DSCAML1: variants seen among roughly 807,000 people sequenced by gnomAD.
The protein encoded by DSCAML1 is DS cell adhesion molecule like 1.
Under a neutral mutation model 200.5 loss-of-function variants are expected in DSCAML1, and 38 were observed. That is an observed-to-expected ratio of 0.19 (90% CI 0.15 to 0.25). The LOEUF is 0.25. Ranked by LOEUF, DSCAML1 falls within the 10% of genes least tolerant of loss-of-function variation. DSCAML1 has a pLI of 1.00. For synonymous variants in DSCAML1, 1,215 were observed against 1,165.0 expected (o/e 1.04, Z -0.87); for missense variants, 2,223 against 2,858.8 (o/e 0.78, Z 5.07).
At chr11:117,433,102 C>G in intron 29 of DSCAML1, 36 bp downstream of exon 29, 1 of 1,582,972 alleles carries the variant, frequency 6.3e-7, no homozygotes, top group East Asian at 2.2e-5. Flanking sequence ...GAAGCACACC[C>G]AGCAGGACAG....
chr11:117,471,811 C>G, intron 15 of DSCAML1, 58 bp downstream of exon 15: 2 of 1,276,512 alleles, frequency 1.6e-6, no homozygotes, highest in Admixed American at 1.9e-5. Context: ...TCGCTGTAGG[C>G]CCCTGGTGGT....
At chr11:117,571,663 G>T (rs561629403) in intron 3 of DSCAML1, among the ~76,000 whole-genome samples, 1 of 151,968 alleles carries the variant, frequency 6.6e-6, no homozygotes, top group African/African-American at 2.4e-5. Context: ...TCCTCAGCCC[G>T]TCCTCCCCCC....
intron 12 of DSCAML1, 99 bp downstream of exon 12, chr11:117,481,864 C>T (rs1028839726): frequency 9.1e-6 from 13 of 1,425,676 alleles, no homozygotes; most frequent in South Asian, 6.1e-5. Context: ...GGAGGGGCTC[C>T]CAGGCTCCCC....
rs1317678623 is a variant in DSCAML1, at chr11:117,516,007, C to T, written c.1783+460G>A. ...AAGGGTGTTCCCAGTCCTGTAGAAG[C>T]AGCCTGGGTACTGTGTATCCCACAG... On this transcript the variant is annotated intron_variant, in intron 8 of 32. Coordinates refer to ENST00000651296, the MANE Select transcript of DSCAML1 (RefSeq NM_020693.4). This position sits in a 1 kb window ranked among gnomAD's most constrained non-coding sequence, Gnocchi z 5.7. Among the ~76,000 whole-genome samples, 1 of 152,180 alleles carries T rather than the reference C, an allele frequency of 6.6e-6. No homozygotes were observed. Among genetic ancestry groups the T allele is most frequent in the African/African-American group, 2.4e-5 (1 of 41,446 alleles).
In DSCAML1 at chr11:117,516,593, C is replaced by T. The variant is rs991887129; in HGVS notation, c.1657G>A (p.Val553Met). 2 of 1,614,110 alleles carry T rather than the reference C, an allele frequency of 1.2e-6. No homozygotes were observed. The highest frequency in any genetic ancestry group is 2.2e-5 in the South Asian group (2 of 91,074). ...AGCTTGAGGGTCCCATTCTCAAACA[C>T]CACCTGGCGGTGGTTGTCTGGCAGC... ...LLLPDNHRQVVFENGTLKLTD... is the reference protein window; with the variant it reads ...LLLPDNHRQVMFENGTLKLTD... The change falls in exon 8 of 33, where the codon GTG (valine) becomes ATG (methionine). Residue 553 changes from valine (V) to methionine (M), a missense_variant. Physicochemically the swap from Val to Met is conservative, Grantham distance 21. Coordinates refer to ENST00000651296, the MANE Select transcript of DSCAML1 (RefSeq NM_020693.4). This position sits in a 1 kb window ranked among gnomAD's most constrained non-coding sequence, Gnocchi z 5.7.
chr11:117,752,736 A>G (rs1460101694), intron 3 of DSCAML1, among the ~76,000 whole-genome samples: 1 of 152,172 alleles, frequency 6.6e-6, no homozygotes. Context: ...CCAGTCTGAA[A>G]ATGAGGGAGA....
chr11:117,791,427 G>A (rs1172797096), intron 1 of DSCAML1, among the ~76,000 whole-genome samples: 1 of 152,242 alleles, frequency 6.6e-6, no homozygotes, highest in Non-Finnish European at 1.5e-5. Context: ...TTTATGGCAT[G>A]AACTCCAGAA....
chr11:117,451,572 C>T (rs577463158), intron 19 of DSCAML1, among the ~76,000 whole-genome samples: 2 of 152,202 alleles, frequency 1.3e-5, no homozygotes, highest in South Asian at 4.2e-4. Context: ...GCCTGTAATC[C>T]CAGCACTTTG....
intron 16 of DSCAML1, among the ~76,000 whole-genome samples, chr11:117,466,862 T>C (rs952087012): frequency 3.3e-5 from 5 of 152,222 alleles, no homozygotes; most frequent in African/African-American, 9.7e-5. Context: ...TTAAGTTATA[T>C]GTATTTTGTT....
Position 117,471,960 on chromosome 11 carries a change from C to T in DSCAML1, c.2862G>A (p.Pro954=), listed in dbSNP as rs370175567. The T allele has an allele frequency of 9.9e-5, 159 of 1,613,964 alleles. No homozygotes were observed. Among genetic ancestry groups the T allele is most frequent in the Non-Finnish European group, 1.2e-4 (141 of 1,180,006 alleles). ...ACATGCGGATGCTGTACACAGATGC[C>T]GGGTGCAAGTCCACAATGTTGGCCT... ...INQANIVDLH[P]ASVYSIRMYS... is the part of the protein sequence containing the mutation. The change falls in exon 15 of 33, where the codon CCG becomes CCA. Residue 954 remains proline, a synonymous_variant. Coordinates refer to ENST00000651296, the MANE Select transcript of DSCAML1 (RefSeq NM_020693.4).
rs182744975 is a variant in DSCAML1 at position 117,745,127 on chromosome 11, A to G, written c.511+31664T>C. 1.4e-3 allele frequency among the ~76,000 whole-genome samples: 195 copies of G among 142,788 alleles called. 1 individual carries two copies. Among genetic ancestry groups the G allele is most frequent in the African/African-American group, 4.5e-3 (178 of 39,594 alleles). 93.7% of individuals were successfully genotyped at this position (142,788 alleles called of 152,430 possible). A position where few individuals can be genotyped will look rare whatever the true frequency, so the allele number is the denominator to read the frequency against. On this transcript the variant is annotated intron_variant, in intron 3 of 32. Coordinates refer to ENST00000651296, the MANE Select transcript of DSCAML1 (RefSeq NM_020693.4). ...GTTCAAAGCCAGGCAACACTAATCC[A>G]TGGTGACAGGCCTCAGGAGGGTGGT...
At chr11:117,681,626 C>T (rs1349169397) in intron 3 of DSCAML1, among the ~76,000 whole-genome samples, 3 of 152,168 alleles carry the variant, frequency 2.0e-5, no homozygotes, top group Admixed American at 6.5e-5. Context: ...TTGGAGACTG[C>T]GTTCTCCTCC....
intron 3 of DSCAML1, among the ~76,000 whole-genome samples, chr11:117,743,337 G>C (rs2054456484): frequency 1.3e-5 from 2 of 152,154 alleles, no homozygotes; most frequent in Admixed American, 6.5e-5. Context: ...GAGGGTTACA[G>C]TATCCACATG....
At chr11:117,603,183 C>T (rs528632315) in intron 3 of DSCAML1, among the ~76,000 whole-genome samples, 3 of 152,184 alleles carry the variant, frequency 2.0e-5, no homozygotes, top group Non-Finnish European at 4.4e-5. Context: ...ACAGAGTCTC[C>T]CAACCTGGCT....
chr11:117,428,282 G>T lies in DSCAML1; in HGVS notation c.*46C>A, dbSNP rs776318651. The T allele has an allele frequency of 1.8e-6, 2 of 1,090,728 alleles. No individual in the cohort carries two copies. The highest frequency in any genetic ancestry group is 1.3e-5 in the South Asian group (1 of 75,354). The allele number at this position is 1,090,728 out of a possible 1,614,324, so 67.6% of individuals were successfully genotyped here. On this transcript the variant is annotated 3_prime_UTR_variant, in exon 33 of 33. Coordinates refer to ENST00000651296, the MANE Select transcript of DSCAML1 (RefSeq NM_020693.4). The stretch of plus-strand genomic sequence containing the variant: ...AAAAACAGCCGAGCTGGCGTGTGGG[G>T]CTGCGGCGCGGCGCGGTCCAGGCGT...
intron 3 of DSCAML1, among the ~76,000 whole-genome samples, chr11:117,615,477 A>G (rs1236909504): frequency 6.6e-6 from 1 of 152,168 alleles, no homozygotes; most frequent in Non-Finnish European, 1.5e-5. Context: ...GGAAGCAGAC[A>G]TGACTATAAG....
chr11:117,799,968 A>C (rs1431362982), upstream of DSCAML1, among the ~76,000 whole-genome samples: 1 of 152,190 alleles, frequency 6.6e-6, no homozygotes, highest in Non-Finnish European at 1.5e-5. Flanking sequence ...ATGCTGTGAC[A>C]AAGCCAGAGC....
intron 3 of DSCAML1, among the ~76,000 whole-genome samples, chr11:117,696,892 T>C (rs1418286677): frequency 6.6e-6 from 1 of 152,214 alleles, no homozygotes; most frequent in Non-Finnish European, 1.5e-5. Flanking sequence ...CCATTAATAG[T>C]ACAACCTCCC....
intron 3 of DSCAML1, among the ~76,000 whole-genome samples, chr11:117,726,673 G>C (rs1356474848): frequency 6.6e-6 from 1 of 152,174 alleles, no homozygotes; most frequent in Non-Finnish European, 1.5e-5. Flanking sequence ...GCCATCTGCT[G>C]AGTAAGCCAG....
Sources: allele counts gnomAD v4.1 joint callset (sites outside exome capture counted in the v4.1 genomes callset), GRCh38; gene constraint gnomAD v4.1.1; non-coding constraint Gnocchi (gnomAD v3.1); transcripts MANE v1.5; gene names NCBI Gene and HGNC (gene_info 2026-07-23, HGNC 2026-07-21).